The following PCDHGB3 variants were observed in gnomAD, a reference collection of about 807,000 sequenced individuals.
PCDHGB3 encodes protocadherin gamma-B3.
PCDHGB3 carries 40 observed loss-of-function variants against 59.2 expected under a neutral mutation model. The observed-to-expected ratio is 0.68, with a 90% confidence interval of 0.52 to 0.88. PCDHGB3 has a LOEUF of 0.88. Ranked by LOEUF, PCDHGB3 falls within the 40% of genes least tolerant of loss-of-function variation. The pLI is 0.00. For synonymous variants in PCDHGB3, 581 were observed against 503.6 expected (o/e 1.15, Z -2.06); for missense variants, 1,309 against 1,187.9 (o/e 1.10, Z -1.50).
intron 1 of PCDHGB3, among the ~76,000 whole-genome samples, chr5:141,472,648 C>G (rs762736307): frequency 1.3e-5 from 2 of 151,864 alleles, no homozygotes; most frequent in African/African-American, 4.8e-5. Flanking sequence ...TGTGTTGAAT[C>G]AGTATATAAA....
chr5:141,490,321 G>C lies in PCDHGB3; in HGVS notation c.2416-4486G>C. On this transcript the variant is annotated intron_variant, in intron 1 of 3. Coordinates refer to ENST00000576222, the MANE Select transcript of PCDHGB3 (RefSeq NM_018924.5). The surrounding 1 kb of genome is among the most constrained non-coding windows in gnomAD (Gnocchi z 5.4). ...GGCCTCTTTGGCCAACCCTGTCCTA[G>C]AGAGCACACCAGTGGGCACAGTAGT... 1.2e-6 allele frequency: 2 copies of C among 1,614,220 alleles called. No homozygotes were observed. The highest frequency in any genetic ancestry group is 1.7e-6 in the Non-Finnish European group (2 of 1,180,044).
At chr5:141,453,745 A>G (rs1208061874) in intron 1 of PCDHGB3, among the ~76,000 whole-genome samples, 1 of 152,264 alleles carries the variant, frequency 6.6e-6, no homozygotes, top group African/African-American at 2.4e-5. Context: ...CTTAAATAAC[A>G]TAAGTCTCCT....
Position 141,432,970 on chromosome 5 carries a change from G to C in PCDHGB3, c.2415+60161G>C, listed in dbSNP as rs371130763. On this transcript the variant is annotated intron_variant, in intron 1 of 3. Transcript: ENST00000576222. This position sits in a 1 kb window ranked among gnomAD's most constrained non-coding sequence, Gnocchi z 6.0. ...GAGGCGGCTTGACAGGAGCGCCGGC[G>C]TCGCACTTTGTGGGCGTGGACGGGG... is the stretch of plus-strand genomic sequence containing the variant. 25 of 1,614,114 alleles carry C rather than the reference G, an allele frequency of 1.5e-5. No individual in the cohort carries two copies. Among genetic ancestry groups the C allele is most frequent in the African/African-American group, 1.1e-4 (8 of 75,054 alleles).
At chr5:141,510,378 C>T (rs919650449) in intron 3 of PCDHGB3, among the ~76,000 whole-genome samples, 1 of 151,688 alleles carries the variant, frequency 6.6e-6, no homozygotes, top group African/African-American at 2.4e-5. Flanking sequence ...TCTACTCGTG[C>T]CAGGCCTTGC....
At position 141,477,898 on chromosome 5, in the gene PCDHGB3, A is replaced by C; in HGVS notation, c.2416-16909A>C. The C allele has an allele frequency of 6.2e-7, 1 of 1,614,158 alleles. No individual in the cohort carries two copies. Among genetic ancestry groups the C allele is most frequent in the East Asian group, 2.2e-5 (1 of 44,864 alleles). ...CTGGCCACCTAGTGTCACGGGTGGT[A>C]GGCTGGGACGCGGATGCAGGGCACA... On this transcript the variant is annotated intron_variant, in intron 1 of 3. Transcript: ENST00000576222. This position sits in a 1 kb window ranked among gnomAD's most constrained non-coding sequence, Gnocchi z 4.9.
rs987773604 is a variant in PCDHGB3 at position 141,409,588 on chromosome 5, C to G, written c.2415+36779C>G. 5.6e-6 allele frequency: 9 copies of G among 1,613,760 alleles called. 1 individual carries two copies. The highest frequency in any genetic ancestry group is 7.6e-6 in the Non-Finnish European group (9 of 1,179,892). On this transcript the variant is annotated intron_variant, in intron 1 of 3. Transcript: ENST00000576222. ...AGACGTCCTACGTGGTCCACGTGGC[C>G]GAGAACAACCCGCCAGGAGCCTCCA...
Position 141,431,062 on chromosome 5 carries a change from G to C in PCDHGB3, c.2415+58253G>C, listed in dbSNP as rs2097341170. On this transcript the variant is annotated intron_variant, in intron 1 of 3. Coordinates refer to ENST00000576222, the MANE Select transcript of PCDHGB3 (RefSeq NM_018924.5). This position sits in a 1 kb window ranked among gnomAD's most constrained non-coding sequence, Gnocchi z 4.8. ...AGGAGCTCTGTATGGGGGCCATCAA[G>C]TGTCAATTAAATCTAGACATTCTGA... 6.2e-7 allele frequency: 1 copy of C among 1,614,212 alleles called. No individual in the cohort carries two copies. The highest frequency in any genetic ancestry group is 1.3e-5 in the African/African-American group (1 of 75,084).
In PCDHGB3 at chr5:141,511,346, C is replaced by T; in HGVS notation, c.*173C>T. 7.1e-7 allele frequency: 1 copy of T among 1,400,168 alleles called. No homozygotes were observed. The allele number at this position is 1,400,168 out of a possible 1,614,324, so 86.7% of individuals were successfully genotyped here. A position where few individuals can be genotyped will look rare whatever the true frequency, so the allele number is the denominator to read the frequency against. On this transcript the variant is annotated 3_prime_UTR_variant, in exon 4 of 4. Transcript: ENST00000576222. ...AGTGCCCAGTCAGCACCTACCCCTT[C>T]CCCCCCAGGGGGTTGAATATGCAAA...
intron 1 of PCDHGB3, chr5:141,418,007 C>T: frequency 6.2e-7 from 1 of 1,613,904 alleles, no homozygotes; most frequent in Non-Finnish European, 8.5e-7. Flanking sequence ...GGTGGGGAAC[C>T]TCGCTAAGGA....
chr5:141,485,797 C>T lies in PCDHGB3; in HGVS notation c.2416-9010C>T. 1 of 1,614,228 alleles carries T rather than the reference C, an allele frequency of 6.2e-7. No homozygotes were observed. Among genetic ancestry groups the T allele is most frequent in the South Asian group, 1.1e-5 (1 of 91,092 alleles). On this transcript the variant is annotated intron_variant, in intron 1 of 3. Coordinates refer to ENST00000576222, the MANE Select transcript of PCDHGB3 (RefSeq NM_018924.5). This position sits in a 1 kb window ranked among gnomAD's most constrained non-coding sequence, Gnocchi z 5.7. ...TGGATCGAGAGAAGCAATCGGACTACCGCCTGGTGCTGACTGCTGTCGATG... is the reference window on the plus strand; with the variant it reads ...TGGATCGAGAGAAGCAATCGGACTATCGCCTGGTGCTGACTGCTGTCGATG...
chr5:141,488,158 G>A (rs534297140), intron 1 of PCDHGB3, among the ~76,000 whole-genome samples: 4 of 152,328 alleles, frequency 2.6e-5, no homozygotes, highest in South Asian at 2.1e-4. Context: ...AGAGAGGCAC[G>A]CATCAGAGTG....
At chr5:141,478,234 G>C (rs762337749) in intron 1 of PCDHGB3, 21 of 1,614,082 alleles carry the variant, frequency 1.3e-5, no homozygotes, top group Non-Finnish European at 1.8e-5. Flanking sequence ...TGGGGTTTGT[G>C]GTCACAGTGT....
chr5:141,415,866 T>A, intron 1 of PCDHGB3: 1 of 1,115,266 alleles, frequency 9.0e-7, no homozygotes, highest in Non-Finnish European at 1.2e-6. Context: ...GTTTATAGTG[T>A]TGTTGAGTAC....
At chr5:141,404,694 C>A in intron 1 of PCDHGB3, 5 of 1,614,116 alleles carry the variant, frequency 3.1e-6, no homozygotes, top group Non-Finnish European at 4.2e-6. Context: ...GCACCCCGCT[C>A]TGCAGAGCCT....
chr5:141,491,810 G>T lies in PCDHGB3; in HGVS notation c.2416-2997G>T. 1 of 1,486,878 alleles carries T rather than the reference G, an allele frequency of 6.7e-7. No individual in the cohort carries two copies. The allele number at this position is 1,486,878 out of a possible 1,614,324, so 92.1% of individuals were successfully genotyped here. A position where few individuals can be genotyped will look rare whatever the true frequency, so the allele number is the denominator to read the frequency against. ...CCACTCCTCTCCGGCCGGCTTGGTC[G>T]CTGGCTGCGCTCCACCCGATTCTCG... On this transcript the variant is annotated intron_variant, in intron 1 of 3. Coordinates refer to ENST00000576222, the MANE Select transcript of PCDHGB3 (RefSeq NM_018924.5). This position sits in a 1 kb window ranked among gnomAD's most constrained non-coding sequence, Gnocchi z 6.9.
At chr5:141,403,590 C>A (rs770895828) in intron 1 of PCDHGB3, 7 of 1,613,866 alleles carry the variant, frequency 4.3e-6, no homozygotes, top group Non-Finnish European at 5.1e-6. Context: ...CTGGTCCTCA[C>A]GGCCTCGGAT....
At chr5:141,399,627 C>A (rs751717107) in intron 1 of PCDHGB3, 19 of 1,613,788 alleles carry the variant, frequency 1.2e-5, no homozygotes, top group Non-Finnish European at 1.6e-5. Flanking sequence ...TGGCCTCTTA[C>A]GTGTCCATGA....
intron 1 of PCDHGB3, chr5:141,402,840 T>C: frequency 7.2e-7 from 1 of 1,388,218 alleles, no homozygotes; most frequent in Non-Finnish European, 9.5e-7. Flanking sequence ...GCAGCAAAAC[T>C]CAGCCTCTTT....
intron 1 of PCDHGB3, chr5:141,375,679 G>A (rs1399157230): frequency 6.2e-7 from 1 of 1,614,244 alleles, no homozygotes; most frequent in Admixed American, 1.7e-5. Flanking sequence ...AGCTGTGGGT[G>A]ACAGCCAGCG....
Sources: gnomAD v4.1 joint callset for allele counts (sites outside exome capture counted in the v4.1 genomes callset) on GRCh38, gnomAD v4.1.1 for gene constraint, Gnocchi (gnomAD v3.1) non-coding constraint, MANE v1.5 for transcripts, NCBI Gene and HGNC (gene_info 2026-07-23, HGNC 2026-07-21) for gene names.